Variants in STAT5B observed in about 807,000 individuals in gnomAD.
STAT5B encodes transcription factor STAT5B.
Under a neutral mutation model 107.8 loss-of-function variants are expected in STAT5B, and 21 were observed. The observed-to-expected ratio is 0.19, with a 90% CI of 0.14 to 0.28. STAT5B has a LOEUF of 0.28. STAT5B is among the 10% of genes least tolerant of loss of function. The probability of loss-of-function intolerance (pLI) is 1.00; values close to 1 mark genes in which losing one functional copy is unlikely to be tolerated. For missense variants in STAT5B, 565 were observed against 1,008.2 expected, an observed-to-expected ratio of 0.56 and a Z score of 5.95; for synonymous variants, 325 against 401.7, an observed-to-expected ratio of 0.81 and a Z score of 2.28.
At chr17:42,212,324 ACT>A (rs1229257758) in intron 12 of STAT5B, 134 bp from the exon 13 acceptor site, 20 of 1,430,858 alleles carry the variant, frequency 1.4e-5, no homozygotes, top group Non-Finnish European at 1.9e-5. Flanking sequence ...ATAAATTCAG[ACT>A]CTGCTGGGGT....
At chr17:42,239,601 T>A (rs2080385846) in intron 1 of STAT5B, among the ~76,000 whole-genome samples, 4 of 152,248 alleles carry the variant, frequency 2.6e-5, no homozygotes, top group Non-Finnish European at 1.5e-5. Flanking sequence ...CAAGTGCTTT[T>A]ATGAATCTAC....
intron 1 of STAT5B, among the ~76,000 whole-genome samples, chr17:42,249,982 G>C (rs1246797644): frequency 6.6e-6 from 1 of 152,142 alleles, no homozygotes; most frequent in African/African-American, 2.4e-5. Context: ...TAAATTAAGA[G>C]AGTGTTAAAC....
chr17:42,211,071 G>C (rs1055527385), intron 13 of STAT5B, among the ~76,000 whole-genome samples: 18 of 151,342 alleles, frequency 1.2e-4, no homozygotes, highest in South Asian at 6.3e-4. Flanking sequence ...CATGGTGGCG[G>C]GTGCCTGTAA....
chr17:42,288,081 A>G, the STAT5B span: 2 of 152,148 alleles, frequency 1.3e-5, no homozygotes, highest in Admixed American at 1.3e-4. This position sits in a 1 kb window ranked among gnomAD's most constrained non-coding sequence, Gnocchi z 4.8. Flanking sequence ...CACGCGCCAG[A>G]GCTGGAAGGC....
At chr17:42,224,946 C>T in intron 3 of STAT5B, 78 bp from the exon 4 acceptor site, 7 of 1,434,974 alleles carry the variant, frequency 4.9e-6, no homozygotes, top group South Asian at 2.3e-5. Context: ...GATGGGGAGC[C>T]TCCTGAGGGA....
At chr17:42,252,837 G>A (rs1447509962) in intron 1 of STAT5B, among the ~76,000 whole-genome samples, 1 of 152,186 alleles carries the variant, frequency 6.6e-6, no homozygotes, top group East Asian at 1.9e-4. Context: ...GAAATATGAT[G>A]ATGCTAAGAT....
intron 1 of STAT5B, among the ~76,000 whole-genome samples, chr17:42,251,998 CAA>C (rs78151719): frequency 1.7e-4 from 12 of 69,378 alleles, no homozygotes; most frequent in Admixed American, 1.7e-4. Context: ...GGCTCCGTCT[CAA>C]AAAAAAAAAA....
rs147327268 is a variant in STAT5B at position 42,237,313 on chromosome 17, G to A, written c.-10-5176C>T. 1.5e-3 allele frequency among the ~76,000 whole-genome samples: 232 copies of A among 152,268 alleles called. 2 individuals carry two copies. Among genetic ancestry groups the A allele is most frequent in the African/African-American group, 5.4e-3 (223 of 41,544 alleles). On this transcript the variant is annotated intron_variant, in intron 1 of 18. Transcript: ENST00000293328. ...CTTACTGAAAACCATAAAAATGAATGTCCACCACATAAATAAATGATATAA... is the reference window on the plus strand; with the variant it reads ...CTTACTGAAAACCATAAAAATGAATATCCACCACATAAATAAATGATATAA...
At chr17:42,262,962 GTGTGTGTGTATATA>G (rs1239905579) in intron 1 of STAT5B, among the ~76,000 whole-genome samples, 3 of 51,636 alleles carry the variant, frequency 5.8e-5, no homozygotes, top group African/African-American at 1.9e-4. Context: ...GTGTGTGTGT[GTGTGTGTGTATATA>G]TATATATATA....
At chr17:42,204,369 G>T (rs1408735770) in intron 16 of STAT5B, among the ~76,000 whole-genome samples, 1 of 152,182 alleles carries the variant, frequency 6.6e-6, no homozygotes, top group African/African-American at 2.4e-5. Context: ...ATGGGAATCA[G>T]TACAAAGTTA....
intron 1 of STAT5B, among the ~76,000 whole-genome samples, chr17:42,233,398 T>C (rs568737501): frequency 6.6e-6 from 1 of 152,134 alleles, no homozygotes; most frequent in Non-Finnish European, 1.5e-5. Flanking sequence ...TGTTAAATTA[T>C]AGCATTTACA....
chr17:42,219,977 G>C, intron 5 of STAT5B, 135 bp from the exon 6 acceptor site: 4 of 1,449,212 alleles, frequency 2.8e-6, no homozygotes, highest in Non-Finnish European at 3.7e-6. Context: ...CGGGGTTCCT[G>C]ACAGCCAGGG....
At chr17:42,233,850 T>A (rs1206972558) in intron 1 of STAT5B, 1 of 152,090 alleles carries the variant, frequency 6.6e-6, no homozygotes, top group African/African-American at 2.4e-5. Flanking sequence ...AAAACTACCA[T>A]GATGCCCCCC....
At position 42,199,332 on chromosome 17, in the gene STAT5B, T is replaced by C. The variant is rs1329722079; in HGVS notation, c.*2406A>G. The C allele has an allele frequency of 6.6e-6, 1 of 152,362 alleles. No individual in the cohort carries two copies. Among genetic ancestry groups the C allele is most frequent in the Non-Finnish European group, 1.5e-5 (1 of 68,038 alleles). 9.4% of individuals were successfully genotyped at this position (152,362 alleles called of 1,614,324 possible). A position where few individuals can be genotyped will look rare whatever the true frequency, so the allele number is the denominator to read the frequency against. ...TTGGTGGCTAAATAACTAATCTGCC[T>C]TGACACTAAAATATGTATCTGAAAT... On this transcript the variant is annotated 3_prime_UTR_variant, in exon 19 of 19. Coordinates refer to ENST00000293328, the MANE Select transcript of STAT5B (RefSeq NM_012448.4).
intron 15 of STAT5B, among the ~76,000 whole-genome samples, chr17:42,208,025 G>A (rs2080100110): frequency 6.6e-6 from 1 of 152,138 alleles, no homozygotes; most frequent in Non-Finnish European, 1.5e-5. Flanking sequence ...CTCCCAAGTA[G>A]CTGGGATTAC....
chr17:42,281,866 G>A, the STAT5B span, among the ~76,000 whole-genome samples: 13 of 152,218 alleles, frequency 8.5e-5, no homozygotes, highest in African/African-American at 3.1e-4. Context: ...AGGGAGGGTG[G>A]GGCGGACGCA....
intron 2 of STAT5B, among the ~76,000 whole-genome samples, chr17:42,231,282 A>G (rs1449744203): frequency 6.6e-6 from 1 of 152,160 alleles, no homozygotes; most frequent in African/African-American, 2.4e-5. Context: ...CTGGGATTAT[A>G]GGTGTGCACC....
At chr17:42,210,648 G>T in intron 13 of STAT5B, 151 bp from the exon 14 acceptor site, 1 of 751,382 alleles carries the variant, frequency 1.3e-6, no homozygotes, top group Non-Finnish European at 2.3e-6. Context: ...TTTACCTAAT[G>T]GCCCCATGGA....
At chr17:42,248,387 A>C (rs200599116) in intron 1 of STAT5B, among the ~76,000 whole-genome samples, 3 of 147,816 alleles carry the variant, frequency 2.0e-5, no homozygotes, top group Non-Finnish European at 3.0e-5. Context: ...AAAAAAAAAA[A>C]CAACAACGGT....
Sources: gnomAD v4.1 joint callset for allele counts (sites outside exome capture counted in the v4.1 genomes callset) on GRCh38, gnomAD v4.1.1 for gene constraint, Gnocchi (gnomAD v3.1) non-coding constraint, MANE v1.5 for transcripts, NCBI Gene and HGNC (gene_info 2026-07-23, HGNC 2026-07-21) for gene names.